IGSF11: variants seen among roughly 807,000 people sequenced by gnomAD.
IGSF11 encodes the protein immunoglobulin superfamily member 11, also known as CXADR like 1.
A neutral mutation model predicts 41.0 loss-of-function variants in IGSF11; 22 were observed. That is an observed-to-expected ratio of 0.54 (90% CI 0.38 to 0.77). The LOEUF is 0.77. IGSF11 is among the 30% of genes least tolerant of loss of function. The pLI, the probability that IGSF11 is intolerant of heterozygous loss-of-function variation, is 0.00. For missense variants in IGSF11, 444 were observed against 530.8 expected (o/e 0.84, Z 1.61); for synonymous variants, 219 against 201.3 (o/e 1.09, Z -0.74).
At chr3:119,050,710 A>G (rs533432514) in intron 1 of IGSF11, among the ~76,000 whole-genome samples, 125 of 152,080 alleles carry the variant, frequency 8.2e-4, no homozygotes, top group African/African-American at 2.6e-3. Context: ...TGTTTATTGC[A>G]GCATTATTCA....
intron 3 of IGSF11, 29 bp downstream of exon 3, chr3:118,928,480 G>A (rs184492684): frequency 4.2e-5 from 66 of 1,586,494 alleles, no homozygotes; most frequent in African/African-American, 1.7e-4. Context: ...AGTAAAGCCC[G>A]AACAGCCAAG....
intron 1 of IGSF11, among the ~76,000 whole-genome samples, chr3:119,120,058 C>T (rs1172684051): frequency 6.6e-6 from 1 of 152,220 alleles, no homozygotes; most frequent in Non-Finnish European, 1.5e-5. Flanking sequence ...ATCAGTCATT[C>T]GTCTCTGACT....
intron 1 of IGSF11, among the ~76,000 whole-genome samples, chr3:118,952,493 C>T (rs926932606): frequency 6.6e-6 from 1 of 152,108 alleles, no homozygotes. Context: ...ACATCTTCAC[C>T]AGGAGTAGAT....
At chr3:119,095,675 A>T (rs1195203513) in intron 1 of IGSF11, among the ~76,000 whole-genome samples, 1 of 152,198 alleles carries the variant, frequency 6.6e-6, no homozygotes, top group Non-Finnish European at 1.5e-5. Flanking sequence ...TCCAAGTCTC[A>T]CAGAAAAAAA....
chr3:118,911,992 G>A (rs973977411), intron 4 of IGSF11, among the ~76,000 whole-genome samples: 1 of 152,016 alleles, frequency 6.6e-6, no homozygotes, highest in South Asian at 2.1e-4. Context: ...AATTATGAAA[G>A]GATGAGGAAA....
chr3:118,904,751 C>T lies in IGSF11; in HGVS notation c.751G>A (p.Ala251Thr), dbSNP rs1293616272. 1 of 1,613,526 alleles carries T rather than the reference C, an allele frequency of 6.2e-7. No individual in the cohort carries two copies. The highest frequency in any genetic ancestry group is 8.5e-7 in the Non-Finnish European group (1 of 1,179,708). Residue 251 changes from alanine (A) to threonine (T), a missense_variant, in exon 6 of 7, where the codon GCA (alanine) becomes ACA (threonine). Coordinates refer to ENST00000393775, the MANE Select transcript of IGSF11 (RefSeq NM_001015887.3). ...GLIAGAIGTGAVIIIFCIALI... is the reference protein window; with the variant it reads ...GLIAGAIGTGTVIIIFCIALI... ...GCAATGCAAAAAATGATAATAACTGCACCAGTGCCAATGGCTCCAGCTATT... is the reference window on the plus strand; with the variant it reads ...GCAATGCAAAAAATGATAATAACTGTACCAGTGCCAATGGCTCCAGCTATT...
intron 1 of IGSF11, among the ~76,000 whole-genome samples, chr3:119,110,784 T>G (rs202208757): frequency 0.068 from 10,279 of 151,792 alleles, 458 homozygotes; most frequent in Admixed American, 0.15. Context: ...AGGGCAGGCC[T>G]GGTGGTGACA....
chr3:119,133,639 G>T (rs1005032532), intron 1 of IGSF11, among the ~76,000 whole-genome samples: 3 of 152,098 alleles, frequency 2.0e-5, no homozygotes, highest in Non-Finnish European at 2.9e-5. Flanking sequence ...TCTAAAAGAG[G>T]TACAAAGAGG....
intron 1 of IGSF11, among the ~76,000 whole-genome samples, chr3:118,997,198 T>C (rs149908086): frequency 2.6e-5 from 4 of 152,280 alleles, no homozygotes; most frequent in African/African-American, 9.6e-5. Flanking sequence ...TAAACAGTAG[T>C]AGAAGCCTGA....
intron 6 of IGSF11, 28 bp downstream of exon 6, chr3:118,904,620 A>G: frequency 6.4e-7 from 1 of 1,552,502 alleles, no homozygotes; most frequent in Non-Finnish European, 8.8e-7. Context: ...GCTATGCAGG[A>G]CAAATTTTAA....
At chr3:119,084,292 G>T (rs947909330) in intron 1 of IGSF11, among the ~76,000 whole-genome samples, 1 of 152,102 alleles carries the variant, frequency 6.6e-6, no homozygotes, top group Non-Finnish European at 1.5e-5. Context: ...TGGGAATCTC[G>T]TGTGGGGTGC....
chr3:118,946,061 G>C (rs1440838546), intron 1 of IGSF11: 1 of 152,064 alleles, frequency 6.6e-6, no homozygotes, highest in Non-Finnish European at 1.5e-5. Flanking sequence ...TTCTGTCCCA[G>C]ATACAGAGAA....
chr3:118,953,705 T>G (rs1944753218), intron 1 of IGSF11, among the ~76,000 whole-genome samples: 2 of 152,130 alleles, frequency 1.3e-5, no homozygotes. Context: ...ATGTCTTCTT[T>G]GGCAAATTGT....
intron 1 of IGSF11, among the ~76,000 whole-genome samples, chr3:118,997,528 C>A (rs912672185): frequency 5.7e-5 from 8 of 141,558 alleles, no homozygotes; most frequent in African/African-American, 1.0e-4. Flanking sequence ...CCTCTGCTGC[C>A]CCCCCCCAGC....
At chr3:119,111,623 G>C (rs571210771) in intron 1 of IGSF11, among the ~76,000 whole-genome samples, 2 of 152,198 alleles carry the variant, frequency 1.3e-5, no homozygotes, top group Non-Finnish European at 2.9e-5. Context: ...GCTTTGTTCG[G>C]TTGCTGGTGA....
At chr3:119,109,717 G>A (rs1448670422), upstream of IGSF11, among the ~76,000 whole-genome samples, 1 of 151,984 alleles carries the variant, frequency 6.6e-6, no homozygotes, top group Admixed American at 6.6e-5. Flanking sequence ...GCTTTCTCTT[G>A]TGGGCATTTA....
intron 1 of IGSF11, among the ~76,000 whole-genome samples, chr3:118,995,316 T>G (rs1370220962): frequency 6.6e-6 from 1 of 152,138 alleles, no homozygotes; most frequent in Non-Finnish European, 1.5e-5. Context: ...GCAAATCACT[T>G]CTGGTTGAAA....
At chr3:118,935,367 GAGAT>G (rs1381624343) in intron 1 of IGSF11, among the ~76,000 whole-genome samples, 6 of 124,718 alleles carry the variant, frequency 4.8e-5, no homozygotes, top group African/African-American at 2.1e-4. Context: ...TATACACCCT[GAGAT>G]ATATACACAC....
chr3:118,911,361 C>A, intron 4 of IGSF11, among the ~76,000 whole-genome samples: 1 of 152,076 alleles, frequency 6.6e-6, no homozygotes, highest in East Asian at 1.9e-4. Flanking sequence ...ATTTTCTGCT[C>A]CCCATGAAAA....
Sources: gnomAD v4.1 joint callset for allele counts (sites outside exome capture counted in the v4.1 genomes callset) on GRCh38, gnomAD v4.1.1 for gene constraint, MANE v1.5 for transcripts, NCBI Gene and HGNC (gene_info 2026-07-23, HGNC 2026-07-21) for gene names.